The following TENM3 variants were observed in gnomAD, a reference collection of about 807,000 sequenced individuals.
TENM3 encodes teneurin-3.
A neutral mutation model predicts 255.1 loss-of-function variants in TENM3; 63 were observed. That is an observed-to-expected ratio of 0.25 (90% CI 0.20 to 0.30). TENM3 has a LOEUF of 0.30. Among genes scored for constraint, TENM3 ranks in the 10% least tolerant of loss-of-function variants. The pLI, the probability that TENM3 is intolerant of heterozygous loss-of-function variation, is 1.00. For synonymous variants in TENM3, 1,306 were observed against 1,322.3 expected, an observed-to-expected ratio of 0.99 and a Z score of 0.27; for missense variants, 2,929 against 3,461.1, an observed-to-expected ratio of 0.85 and a Z score of 3.86.
intron 3 of TENM3, among the ~76,000 whole-genome samples, chr4:182,351,932 C>T (rs1278999516): frequency 5.9e-5 from 9 of 152,090 alleles, no homozygotes; most frequent in Non-Finnish European, 4.4e-5. Context: ...TCCCTGACAT[C>T]TAGTGAGTTC....
chr4:182,186,762 CATATATATATATATATATATATATAT>C lies in TENM3; in HGVS notation c.-76+42035_-76+42060del, dbSNP rs70954298. 6.4e-3 allele frequency among the ~76,000 whole-genome samples: 177 copies of C among 27,498 alleles called. 8 individuals are homozygous for C. The highest frequency in any genetic ancestry group is 9.1e-3 in the African/African-American group (72 of 7,888). The allele number at this position is 27,498 out of a possible 152,430, so 18.0% of individuals were successfully genotyped here. A position where few individuals can be genotyped will look rare whatever the true frequency, so the allele number is the denominator to read the frequency against. On this transcript the variant is annotated intron_variant, in intron 1 of 2. Transcript: ENST00000512480. ...TTGGGTAAGAAATATACTAATGCATCATATATATATATATATATATATATATATATATATATATATATATATATATA... is the reference window on the plus strand; with the variant it reads ...TTGGGTAAGAAATATACTAATGCATCATATATATATATATATATATATATA...
At chr4:181,961,292 A>G in the TENM3 span, among the ~76,000 whole-genome samples, 1 of 152,252 alleles carries the variant, frequency 6.6e-6, no homozygotes, top group East Asian at 1.9e-4. Flanking sequence ...CAATTGTTTT[A>G]CATGGGAGTA....
the TENM3 span, among the ~76,000 whole-genome samples, chr4:181,990,509 C>T: frequency 6.6e-6 from 1 of 152,142 alleles, no homozygotes; most frequent in Non-Finnish European, 1.5e-5. Flanking sequence ...AACCCTGTGA[C>T]TTTCAGCCTG....
chr4:181,868,082 A>T, the TENM3 span, among the ~76,000 whole-genome samples: 1 of 152,172 alleles, frequency 6.6e-6, no homozygotes, highest in Non-Finnish European at 1.5e-5. Context: ...ATTTTACGGG[A>T]AATTTTTTGG....
chr4:182,509,806 G>A (rs74572843), intron 3 of TENM3, among the ~76,000 whole-genome samples: 3,665 of 151,984 alleles, frequency 0.024, 50 homozygotes, highest in Middle Eastern at 0.041. Context: ...GGGTGGTGGC[G>A]CATGCCTGTA....
At chr4:181,643,546 G>T in the TENM3 span, among the ~76,000 whole-genome samples, 1 of 152,018 alleles carries the variant, frequency 6.6e-6, no homozygotes, top group African/African-American at 2.4e-5. Flanking sequence ...TATGCTAGTT[G>T]GTTGATGGCT....
Position 182,800,520 on chromosome 4 carries a change from T to C in TENM3, c.*169T>C. The stretch of plus-strand genomic sequence containing the variant: ...AAGGACCGCTTTTTTCCGAATGACC[T>C]TAAAGGTGATCGGCTTTAACGAATA... On this transcript the variant is annotated 3_prime_UTR_variant, in exon 28 of 28. Coordinates refer to ENST00000511685, the MANE Select transcript of TENM3 (RefSeq NM_001080477.4). 1.3e-6 allele frequency: 1 copy of C among 763,954 alleles called. No individual in the cohort carries two copies. Among genetic ancestry groups the C allele is most frequent in the Non-Finnish European group, 2.0e-6 (1 of 496,350 alleles). The allele number at this position is 763,954 out of a possible 1,614,324, so 47.3% of individuals were successfully genotyped here.
the TENM3 span, among the ~76,000 whole-genome samples, chr4:181,785,012 T>G: frequency 6.6e-6 from 1 of 152,114 alleles, no homozygotes. Flanking sequence ...TAACTCTTCA[T>G]GACAAAGCAT....
the TENM3 span, among the ~76,000 whole-genome samples, chr4:182,013,619 C>A: frequency 6.6e-6 from 1 of 152,142 alleles, no homozygotes; most frequent in South Asian, 2.1e-4. Context: ...CAGCCTGGAA[C>A]TGAAAGAAAC....
At chr4:182,023,594 C>T in the TENM3 span, among the ~76,000 whole-genome samples, 6 of 152,144 alleles carry the variant, frequency 3.9e-5, no homozygotes, top group Admixed American at 6.5e-5. Flanking sequence ...CTGAAGTGTA[C>T]GCCACTGATC....
the TENM3 span, among the ~76,000 whole-genome samples, chr4:181,667,626 A>G: frequency 6.6e-6 from 1 of 152,038 alleles, no homozygotes; most frequent in Non-Finnish European, 1.5e-5. Flanking sequence ...TTGCCCTTTC[A>G]CCTTCTACCA....
At chr4:182,512,034 T>TTC (rs1307994883) in intron 3 of TENM3, among the ~76,000 whole-genome samples, 1 of 152,174 alleles carries the variant, frequency 6.6e-6, no homozygotes, top group African/African-American at 2.4e-5. Flanking sequence ...AGATCAGACA[T>TTC]TCTCATCAAA....
chr4:181,887,478 G>A, the TENM3 span, among the ~76,000 whole-genome samples: 15 of 151,656 alleles, frequency 9.9e-5, no homozygotes, highest in East Asian at 3.9e-4. Flanking sequence ...CTTTTTTTCC[G>A]TTTAGTTCTC....
At chr4:181,469,709 G>T in the TENM3 span, among the ~76,000 whole-genome samples, 770 of 152,138 alleles carry the variant, frequency 5.1e-3, 8 homozygotes, top group African/African-American at 0.018. Flanking sequence ...AAGCTAATTT[G>T]TCTGGTTATT....
At chr4:182,051,400 T>C in the TENM3 span, among the ~76,000 whole-genome samples, 2 of 140,678 alleles carry the variant, frequency 1.4e-5, no homozygotes, top group Non-Finnish European at 1.5e-5. Flanking sequence ...TTTTTGGAGA[T>C]GGAGTCTTGC....
intron 3 of TENM3, among the ~76,000 whole-genome samples, chr4:182,559,836 G>A (rs1742961200): frequency 6.6e-6 from 1 of 151,988 alleles, no homozygotes; most frequent in South Asian, 2.1e-4. Context: ...GAATGAATAA[G>A]ATCTAGTATT....
At chr4:182,021,758 A>G in the TENM3 span, among the ~76,000 whole-genome samples, 54,032 of 151,960 alleles carry the variant, frequency 0.36, 9,982 homozygotes, top group Middle Eastern at 0.41. Flanking sequence ...AAATTTAAGT[A>G]GGAAAATGTA....
intron 1 of TENM3, among the ~76,000 whole-genome samples, chr4:182,293,808 C>G (rs1269499541): frequency 6.6e-6 from 1 of 152,188 alleles, no homozygotes; most frequent in Non-Finnish European, 1.5e-5. Context: ...AATCAAAACT[C>G]TCTTTCCCTG....
chr4:181,823,571 G>T, the TENM3 span, among the ~76,000 whole-genome samples: 14 of 152,194 alleles, frequency 9.2e-5, no homozygotes, highest in African/African-American at 3.4e-4. Flanking sequence ...TGTTTTGATT[G>T]GCTGAACCCC....
Sources: allele counts gnomAD v4.1 joint callset (sites outside exome capture counted in the v4.1 genomes callset), GRCh38; gene constraint gnomAD v4.1.1; transcripts MANE v1.5; gene names NCBI Gene and HGNC (gene_info 2026-07-23, HGNC 2026-07-21).